The following FGD3 variants were observed in gnomAD, a reference collection of about 807,000 sequenced individuals.
The protein encoded by FGD3 is FYVE, RhoGEF and PH domain-containing protein 3.
In FGD3, 45 loss-of-function variants were observed where a neutral mutation model predicts 71.8. The ratio of observed to expected loss-of-function variants is 0.63; its 90% confidence interval spans 0.49 to 0.80. The LOEUF (loss-of-function observed/expected upper bound fraction) is 0.80, where lower values mean the gene tolerates loss of function less well. Among genes scored for constraint, FGD3 ranks in the 30% least tolerant of loss-of-function variants. The probability of loss-of-function intolerance (pLI) is 0.00; values close to 1 mark genes in which losing one functional copy is unlikely to be tolerated. For missense variants in FGD3, 844 were observed against 951.5 expected, an observed-to-expected ratio of 0.89 and a Z score of 1.49; for synonymous variants, 378 against 392.8, an observed-to-expected ratio of 0.96 and a Z score of 0.44.
At chr9:92,999,902 C>G (rs911047877) in intron 3 of FGD3, among the ~76,000 whole-genome samples, 17 of 151,958 alleles carry the variant, frequency 1.1e-4, no homozygotes, top group African/African-American at 4.1e-4. Flanking sequence ...GCCAATATGT[C>G]TTTTGATTGG....
At chr9:92,955,388 T>C (rs762531368) in intron 1 of FGD3, among the ~76,000 whole-genome samples, 9 of 151,578 alleles carry the variant, frequency 5.9e-5, no homozygotes, top group Non-Finnish European at 1.3e-4. Flanking sequence ...AATACAAAAT[T>C]AGCCAGGCAT....
intron 1 of FGD3, among the ~76,000 whole-genome samples, chr9:92,952,397 C>T (rs1049895932): frequency 1.6e-4 from 25 of 152,072 alleles, no homozygotes; most frequent in Non-Finnish European, 2.9e-4. Context: ...CCACCACGCC[C>T]GGCTAATTTT....
At chr9:92,980,028 A>C (rs1859926280) in intron 3 of FGD3, among the ~76,000 whole-genome samples, 1 of 126,460 alleles carries the variant, frequency 7.9e-6, no homozygotes, top group South Asian at 2.7e-4. Context: ...ACAATAGAAT[A>C]GATTTTTTTT....
intron 17 of FGD3, among the ~76,000 whole-genome samples, chr9:93,034,949 C>T (rs1482934786): frequency 6.6e-6 from 1 of 152,166 alleles, no homozygotes; most frequent in Non-Finnish European, 1.5e-5. Context: ...AGCCACAGAA[C>T]CTGTCAGGGG....
At chr9:93,019,942 G>A in intron 12 of FGD3, 81 bp downstream of exon 12, 1 of 1,492,144 alleles carries the variant, frequency 6.7e-7, no homozygotes, top group Non-Finnish European at 9.4e-7. Context: ...CAGAGGGTGG[G>A]GGCCCTGGCC....
chr9:93,014,380 G>A (rs1861575164), intron 9 of FGD3, among the ~76,000 whole-genome samples: 1 of 152,150 alleles, frequency 6.6e-6, no homozygotes, highest in African/African-American at 2.4e-5. Flanking sequence ...CTGGCCGGGA[G>A]GGAGGGGGAA....
At chr9:92,953,989 G>A (rs774525888) in intron 1 of FGD3, among the ~76,000 whole-genome samples, 3 of 152,114 alleles carry the variant, frequency 2.0e-5, no homozygotes, top group Admixed American at 6.5e-5. Context: ...GAACAACTTC[G>A]ATTCTTGTAT....
chr9:93,014,550 G>A (rs574406909), intron 9 of FGD3, among the ~76,000 whole-genome samples: 6 of 151,808 alleles, frequency 4.0e-5, no homozygotes, highest in Non-Finnish European at 8.8e-5. Context: ...TAAAAATTAC[G>A]TTAACTAAAA....
chr9:93,011,851 G>A (rs776001826), intron 8 of FGD3, among the ~76,000 whole-genome samples: 50 of 137,016 alleles, frequency 3.6e-4, no homozygotes, highest in East Asian at 8.4e-4. Context: ...GTGAGACTCC[G>A]TCTCAAAAAA....
intron 12 of FGD3, 83 bp downstream of exon 12, chr9:93,019,944 G>A: frequency 6.7e-7 from 1 of 1,489,664 alleles, no homozygotes; most frequent in Non-Finnish European, 9.4e-7. Context: ...GAGGGTGGGG[G>A]CCCTGGCCTC....
At chr9:92,966,303 G>A (rs1209481570) in intron 1 of FGD3, among the ~76,000 whole-genome samples, 5 of 152,192 alleles carry the variant, frequency 3.3e-5, no homozygotes, top group Non-Finnish European at 5.9e-5. Flanking sequence ...CAAGCTGCCT[G>A]CTGCCTAGTG....
chr9:92,963,711 TTCTC>T (rs1362166833), intron 1 of FGD3, among the ~76,000 whole-genome samples: 1 of 152,252 alleles, frequency 6.6e-6, no homozygotes, highest in African/African-American at 2.4e-5. Flanking sequence ...TATTTATTGA[TTCTC>T]TCCCTAAAAC....
At chr9:92,967,348 C>T (rs544971643) in intron 1 of FGD3, among the ~76,000 whole-genome samples, 58 of 152,272 alleles carry the variant, frequency 3.8e-4, no homozygotes, top group Admixed American at 1.0e-3. Context: ...ATCTCCAGAG[C>T]GTCTTCACCT....
chr9:93,035,944 T>C lies in FGD3; in HGVS notation c.*355T>C. On this transcript the variant is annotated 3_prime_UTR_variant, in exon 18 of 18. Coordinates refer to ENST00000375482, the MANE Select transcript of FGD3 (RefSeq NM_001083536.2). ...GCCAGGGACAGCCACATCCTGCTGG[T>C]CTGCAGCGTGGTCCACCCCGCCTCT... 4.0e-6 allele frequency: 1 copy of C among 252,514 alleles called. No individual in the cohort carries two copies. The highest frequency in any genetic ancestry group is 7.6e-6 in the Non-Finnish European group (1 of 131,998). 15.6% of individuals were successfully genotyped at this position (252,514 alleles called of 1,614,324 possible). A position where few individuals can be genotyped will look rare whatever the true frequency, so the allele number is the denominator to read the frequency against.
At chr9:92,950,001 C>T (rs1411382375) in intron 1 of FGD3, among the ~76,000 whole-genome samples, 2 of 151,580 alleles carry the variant, frequency 1.3e-5, no homozygotes, top group African/African-American at 4.9e-5. Flanking sequence ...CCCTCCTTTT[C>T]CTCCCTTCCT....
At chr9:93,010,603 G>T (rs993857722) in intron 7 of FGD3, among the ~76,000 whole-genome samples, 8 of 147,452 alleles carry the variant, frequency 5.4e-5, no homozygotes, top group Admixed American at 1.3e-4. Flanking sequence ...GGGAGAGGGA[G>T]GGAGAAACAG....
rs1215975660 is a variant in FGD3 at position 93,035,613 on chromosome 9, C to T, written c.*24C>T. 3 of 1,565,796 alleles carry T rather than the reference C, an allele frequency of 1.9e-6. No homozygotes were observed. The highest frequency in any genetic ancestry group is 2.3e-5 in the South Asian group (2 of 86,596). On this transcript the variant is annotated 3_prime_UTR_variant, in exon 18 of 18. Coordinates refer to ENST00000375482, the MANE Select transcript of FGD3 (RefSeq NM_001083536.2). The stretch of plus-strand genomic sequence containing the variant: ...GAGCTGAGTCTCCCACTGCCCTGCA[C>T]ACCACCACATTGGACCTGTGCTGTC...
At chr9:93,034,789 G>A in intron 17 of FGD3, 108 bp downstream of exon 17, 3 of 1,265,266 alleles carry the variant, frequency 2.4e-6, no homozygotes, top group Non-Finnish European at 3.2e-6. Context: ...TGCTTGAGCA[G>A]TGTTACCTGG....
At chr9:92,954,046 C>T (rs935705301) in intron 1 of FGD3, among the ~76,000 whole-genome samples, 7 of 152,104 alleles carry the variant, frequency 4.6e-5, no homozygotes, top group African/African-American at 1.4e-4. Flanking sequence ...TAATGTTCTA[C>T]GTAGAAATTT....
Sources: gnomAD v4.1 joint callset for allele counts (sites outside exome capture counted in the v4.1 genomes callset) on GRCh38, gnomAD v4.1.1 for gene constraint, MANE v1.5 for transcripts, NCBI Gene and HGNC (gene_info 2026-07-23, HGNC 2026-07-21) for gene names.